Variants in ARHGAP22 observed in about 807,000 individuals in gnomAD.
The protein encoded by ARHGAP22 is Rho GTPase activating protein 22.
A neutral mutation model predicts 59.1 loss-of-function variants in ARHGAP22; 48 were observed. The observed-to-expected ratio is 0.81, with a 90% CI of 0.64 to 1.03. The LOEUF (loss-of-function observed/expected upper bound fraction) is 1.03. ARHGAP22 is among the 50% of genes least tolerant of loss of function. The pLI is 0.00. For synonymous variants in ARHGAP22, 445 were observed against 416.4 expected, an observed-to-expected ratio of 1.07 and a Z score of -0.84; for missense variants, 1,015 against 958.7, an observed-to-expected ratio of 1.06 and a Z score of -0.78.
chr10:48,457,968 G>A (rs1421852651), intron 5 of ARHGAP22, among the ~76,000 whole-genome samples: 1 of 150,290 alleles, frequency 6.7e-6, no homozygotes, highest in African/African-American at 2.4e-5. Context: ...TGGGTGGGAA[G>A]GGGGGCCTCC....
chr10:48,446,857 T>C (rs1312362155), intron 9 of ARHGAP22, among the ~76,000 whole-genome samples: 1 of 152,216 alleles, frequency 6.6e-6, no homozygotes, highest in Non-Finnish European at 1.5e-5. Context: ...GCCAACACAA[T>C]GATCCATGCC....
At chr10:48,551,867 C>T (rs1564865322) in intron 3 of ARHGAP22, among the ~76,000 whole-genome samples, 1 of 152,176 alleles carries the variant, frequency 6.6e-6, no homozygotes, top group Admixed American at 6.5e-5. Flanking sequence ...TGTAGGAGGC[C>T]CCATATGGCC....
intron 3 of ARHGAP22, among the ~76,000 whole-genome samples, chr10:48,482,549 A>G (rs1475579589): frequency 6.6e-6 from 1 of 152,266 alleles, no homozygotes; most frequent in Non-Finnish European, 1.5e-5. Context: ...TGACAAAAGC[A>G]TTCGGCTTTT....
chr10:48,624,554 C>T (rs1363614014), intron 1 of ARHGAP22: 1 of 152,266 alleles, frequency 6.6e-6, no homozygotes, highest in Non-Finnish European at 1.5e-5. Context: ...CCCATTTAAG[C>T]TCCATCCCAA....
chr10:48,552,433 G>A (rs1185347476), intron 3 of ARHGAP22, among the ~76,000 whole-genome samples: 1 of 152,258 alleles, frequency 6.6e-6, no homozygotes, highest in African/African-American at 2.4e-5. Flanking sequence ...CCTCGGAACT[G>A]TAGGAGAAGC....
At chr10:48,558,032 T>A (rs2057418269) in intron 2 of ARHGAP22, among the ~76,000 whole-genome samples, 1 of 152,258 alleles carries the variant, frequency 6.6e-6, no homozygotes, top group Admixed American at 6.5e-5. Flanking sequence ...TCTGGTGTTT[T>A]GGTGGTGTTT....
At chr10:48,592,514 T>C (rs2059819594) in intron 1 of ARHGAP22, among the ~76,000 whole-genome samples, 1 of 152,130 alleles carries the variant, frequency 6.6e-6, no homozygotes, top group South Asian at 2.1e-4. Flanking sequence ...GTTCCAAGAT[T>C]ATACTCCCCC....
chr10:48,545,175 G>T (rs941150292), intron 3 of ARHGAP22, among the ~76,000 whole-genome samples: 1 of 152,136 alleles, frequency 6.6e-6, no homozygotes, highest in African/African-American at 2.4e-5. Flanking sequence ...TGTGTAGTAG[G>T]TGTATATATT....
At chr10:48,489,861 G>A (rs1010363943) in intron 3 of ARHGAP22, among the ~76,000 whole-genome samples, 4 of 151,680 alleles carry the variant, frequency 2.6e-5, no homozygotes, top group African/African-American at 7.3e-5. Flanking sequence ...AGCCTCCCGA[G>A]TAGCTGGGAC....
At chr10:48,472,535 A>C (rs1339878178) in intron 4 of ARHGAP22, among the ~76,000 whole-genome samples, 3 of 152,044 alleles carry the variant, frequency 2.0e-5, no homozygotes, top group Admixed American at 1.3e-4. Context: ...AAAATAAAAT[A>C]AAATAAAATA....
chr10:48,644,591 T>C (rs1224439814), intron 1 of ARHGAP22, among the ~76,000 whole-genome samples: 1 of 152,228 alleles, frequency 6.6e-6, no homozygotes, highest in Non-Finnish European at 1.5e-5. Context: ...TTATCTATCT[T>C]GGAATTAAAT....
At chr10:48,553,958 G>T (rs1003772311) in intron 3 of ARHGAP22, among the ~76,000 whole-genome samples, 2 of 152,160 alleles carry the variant, frequency 1.3e-5, no homozygotes, top group Admixed American at 1.3e-4. Flanking sequence ...AGATGGCAGG[G>T]CCCTGCCTAC....
intron 3 of ARHGAP22, among the ~76,000 whole-genome samples, chr10:48,505,179 G>A (rs1193860861): frequency 6.6e-6 from 1 of 152,166 alleles, no homozygotes; most frequent in Non-Finnish European, 1.5e-5. Context: ...TCAGCTTCCT[G>A]AGTAGCTGGG....
intron 1 of ARHGAP22, among the ~76,000 whole-genome samples, chr10:48,628,564 C>A (rs2061526037): frequency 1.3e-5 from 2 of 152,134 alleles, no homozygotes; most frequent in Admixed American, 1.3e-4. Flanking sequence ...TCTACCCTAC[C>A]ACCTTGAGGC....
chr10:48,645,412 T>C (rs573298174), intron 1 of ARHGAP22, among the ~76,000 whole-genome samples: 3 of 152,322 alleles, frequency 2.0e-5, no homozygotes, highest in South Asian at 4.1e-4. Context: ...AAAAGGATTA[T>C]ACACCATGAA....
chr10:48,529,219 A>G (rs2054601596), intron 3 of ARHGAP22, among the ~76,000 whole-genome samples: 1 of 152,214 alleles, frequency 6.6e-6, no homozygotes. Flanking sequence ...GCAAAGATGC[A>G]AAAGGCATAA....
At chr10:48,586,699 A>G (rs1220915557) in intron 1 of ARHGAP22, among the ~76,000 whole-genome samples, 1 of 152,242 alleles carries the variant, frequency 6.6e-6, no homozygotes, top group Non-Finnish European at 1.5e-5. Flanking sequence ...TTTAGTAGGT[A>G]TAAAATGGCA....
At chr10:48,553,100 C>A (rs2057025322) in intron 3 of ARHGAP22, among the ~76,000 whole-genome samples, 1 of 152,234 alleles carries the variant, frequency 6.6e-6, no homozygotes, top group Admixed American at 6.5e-5. Flanking sequence ...CATCCTAAAT[C>A]CGGAGCCCCC....
chr10:48,592,931 A>G (rs76634036), intron 1 of ARHGAP22, among the ~76,000 whole-genome samples: 71 of 152,368 alleles, frequency 4.7e-4, no homozygotes, highest in South Asian at 1.5e-3. Context: ...AAAACCCTGC[A>G]GGTTCCTGAG....
Sources: allele counts gnomAD v4.1 joint callset (sites outside exome capture counted in the v4.1 genomes callset), GRCh38; gene constraint gnomAD v4.1.1; transcripts MANE v1.5; gene names NCBI Gene and HGNC (gene_info 2026-07-23, HGNC 2026-07-21).